The following TTC28 variants were observed in gnomAD, a reference collection of about 807,000 sequenced individuals.
TTC28 encodes the protein tetratricopeptide repeat domain 28, also known as tetratricopeptide repeat protein 28.
A neutral mutation model predicts 198.0 loss-of-function variants in TTC28; 61 were observed. The observed-to-expected ratio is 0.31, with a 90% confidence interval of 0.25 to 0.38. The LOEUF (loss-of-function observed/expected upper bound fraction) is 0.38, where lower values mean the gene tolerates loss of function less well. Among genes scored for constraint, TTC28 ranks in the 10% least tolerant of loss-of-function variants. The probability of loss-of-function intolerance (pLI) is 1.00; values close to 1 mark genes in which losing one functional copy is unlikely to be tolerated. For synonymous variants in TTC28, 1,171 were observed against 1,297.8 expected, an observed-to-expected ratio of 0.90 and a Z score of 2.10; for missense variants, 2,678 against 3,164.0, an observed-to-expected ratio of 0.85 and a Z score of 3.69.
chr22:28,120,495 G>A (rs1942755907), intron 6 of TTC28, among the ~76,000 whole-genome samples: 1 of 152,078 alleles, frequency 6.6e-6, no homozygotes, highest in Admixed American at 6.6e-5. Context: ...CCACCTCCCA[G>A]CCCAGCACAT....
chr22:28,270,817 T>C (rs917575112), intron 5 of TTC28, among the ~76,000 whole-genome samples: 2 of 152,032 alleles, frequency 1.3e-5, no homozygotes, highest in African/African-American at 4.8e-5. Context: ...GAGGACTTCT[T>C]GGGCCCAGGA....
chr22:28,364,535 T>C (rs756687532), intron 2 of TTC28, among the ~76,000 whole-genome samples: 1 of 152,242 alleles, frequency 6.6e-6, no homozygotes, highest in East Asian at 1.9e-4. Flanking sequence ...AAAGTCAATT[T>C]AAAACCTTCT....
At chr22:28,025,259 G>A (rs527642714) in intron 13 of TTC28, among the ~76,000 whole-genome samples, 4 of 152,282 alleles carry the variant, frequency 2.6e-5, no homozygotes, top group Admixed American at 2.0e-4. Flanking sequence ...GACTCAAGGT[G>A]GGGAGAGAAA....
intron 16 of TTC28, 147 bp from the exon 17 acceptor site, chr22:27,996,406 C>T: frequency 8.6e-7 from 1 of 1,157,576 alleles, no homozygotes; most frequent in Admixed American, 2.8e-5. Context: ...TGGCCTGGGG[C>T]ATCTGACTCA....
chr22:28,102,334 T>C (rs554723683), intron 8 of TTC28, among the ~76,000 whole-genome samples: 2 of 152,306 alleles, frequency 1.3e-5, no homozygotes, highest in East Asian at 3.9e-4. Context: ...GCAAAACAAG[T>C]GCTATTATGA....
intron 5 of TTC28, among the ~76,000 whole-genome samples, chr22:28,294,930 T>C (rs774334495): frequency 2.0e-5 from 3 of 152,202 alleles, no homozygotes; most frequent in Non-Finnish European, 4.4e-5. Context: ...ACAACTATGC[T>C]GTTTTACTTC....
In TTC28 at chr22:27,979,252, G is replaced by C. The variant is rs1343807381; in HGVS notation, c.*2969C>G. 6.6e-6 allele frequency: 1 copy of C among 152,170 alleles called. No individual in the cohort carries two copies. The highest frequency in any genetic ancestry group is 1.5e-5 in the Non-Finnish European group (1 of 68,076). 9.4% of individuals were successfully genotyped at this position (152,170 alleles called of 1,614,324 possible). ...CCCAGCAGTTTGGGAGGCCAAGGCG[G>C]GCGGATCCCCTGAGGTCAGGAGTTC... is the stretch of plus-strand genomic sequence containing the variant. On this transcript the variant is annotated 3_prime_UTR_variant, in exon 23 of 23. Coordinates refer to ENST00000397906, the MANE Select transcript of TTC28 (RefSeq NM_001145418.2).
At chr22:28,371,660 G>A (rs1228166967) in intron 2 of TTC28, among the ~76,000 whole-genome samples, 35 of 106,060 alleles carry the variant, frequency 3.3e-4, no homozygotes, top group Admixed American at 5.5e-4. Flanking sequence ...TCAGCTCACT[G>A]CAACCTCTGC....
At chr22:28,214,513 C>T (rs1055271541) in intron 5 of TTC28, among the ~76,000 whole-genome samples, 2 of 152,116 alleles carry the variant, frequency 1.3e-5, no homozygotes, top group Non-Finnish European at 2.9e-5. Context: ...TTTATGCAGC[C>T]AACAGTTACA....
At chr22:28,407,147 A>G (rs567665564) in intron 2 of TTC28, among the ~76,000 whole-genome samples, 2 of 152,256 alleles carry the variant, frequency 1.3e-5, no homozygotes, top group Non-Finnish European at 2.9e-5. Flanking sequence ...AGTTAAAAAA[A>G]GCGGGGACAC....
intron 2 of TTC28, among the ~76,000 whole-genome samples, chr22:28,399,687 A>C (rs1056305063): frequency 6.6e-6 from 1 of 152,182 alleles, no homozygotes; most frequent in Non-Finnish European, 1.5e-5. Flanking sequence ...TATCTTAAAT[A>C]CTATCAGTTC....
rs1488840970 is a variant in TTC28 at position 28,390,672 on chromosome 22, C to G, written c.382-84029G>C. On this transcript the variant is annotated intron_variant, in intron 2 of 22. Transcript: ENST00000397906. Reference sequence around the variant, plus strand: ...CAGAGACTAGGATTACAACCCCTGCCTTTTTTTGTTTTCCATTTGCTTGGT... The same window carrying G: ...CAGAGACTAGGATTACAACCCCTGCGTTTTTTTGTTTTCCATTTGCTTGGT... 2.0e-5 allele frequency among the ~76,000 whole-genome samples: 3 copies of G among 152,084 alleles called. No homozygotes were observed. The East Asian group carries it at 5.8e-4, about 29-fold the overall frequency.
intron 2 of TTC28, among the ~76,000 whole-genome samples, chr22:28,479,099 C>A (rs1309745703): frequency 6.6e-6 from 1 of 152,170 alleles, no homozygotes; most frequent in Admixed American, 6.5e-5. Flanking sequence ...CAAGCCACAG[C>A]TGACCGGACC....
intron 5 of TTC28, among the ~76,000 whole-genome samples, chr22:28,220,062 C>A (rs75628495): frequency 0.022 from 3,294 of 152,234 alleles, 106 homozygotes; most frequent in African/African-American, 0.075. Flanking sequence ...ATCTAGGACA[C>A]CTGTTTCAGG....
At chr22:28,377,227 C>T (rs1438324804) in intron 2 of TTC28, among the ~76,000 whole-genome samples, 2 of 138,870 alleles carry the variant, frequency 1.4e-5, no homozygotes, top group Non-Finnish European at 3.1e-5. Context: ...CCATGTAATA[C>T]ATGGGACTAG....
rs1398842889 is a variant in TTC28, at chr22:28,018,285, G to A, written c.4074-3893C>T. Among the ~76,000 whole-genome samples, 238 of 139,732 alleles carry A rather than the reference G, an allele frequency of 1.7e-3. 1 individual carries two copies. The highest frequency in any genetic ancestry group is 6.3e-3 in the African/African-American group (224 of 35,460). 91.7% of individuals were successfully genotyped at this position (139,732 alleles called of 152,430 possible). Reference sequence around the variant, plus strand: ...TGTGTGTGTGTGTGTGTGTATGTGTGTGCGCGCGTGTGTGCGCGCGCGGGG... The same window carrying A: ...TGTGTGTGTGTGTGTGTGTATGTGTATGCGCGCGTGTGTGCGCGCGCGGGG... On this transcript the variant is annotated intron_variant, in intron 13 of 22. Coordinates refer to ENST00000397906, the MANE Select transcript of TTC28 (RefSeq NM_001145418.2).
intron 13 of TTC28, among the ~76,000 whole-genome samples, chr22:28,026,209 C>T (rs920815269): frequency 6.6e-6 from 1 of 152,230 alleles, no homozygotes; most frequent in Non-Finnish European, 1.5e-5. Context: ...CAGGGAAAAG[C>T]TCTGCAGGGT....
chr22:28,369,732 T>C (rs1034778338), intron 2 of TTC28, among the ~76,000 whole-genome samples: 10 of 152,204 alleles, frequency 6.6e-5, no homozygotes, highest in African/African-American at 2.2e-4. Flanking sequence ...AAGTTGAATT[T>C]GATGTTACCA....
chr22:28,164,173 C>T (rs192890982), intron 5 of TTC28, among the ~76,000 whole-genome samples: 1 of 152,172 alleles, frequency 6.6e-6, no homozygotes, highest in Admixed American at 6.5e-5. Context: ...GAGCCCACCA[C>T]AGTTCAAAGA....
Sources: allele counts gnomAD v4.1 joint callset (sites outside exome capture counted in the v4.1 genomes callset), GRCh38; gene constraint gnomAD v4.1.1; transcripts MANE v1.5; gene names NCBI Gene and HGNC (gene_info 2026-07-23, HGNC 2026-07-21).